HHIP: variants seen among roughly 807,000 people sequenced by gnomAD.
HHIP encodes the protein hedgehog-interacting protein.
HHIP carries 12 observed loss-of-function variants against 74.0 expected under a neutral mutation model. That is an observed-to-expected ratio of 0.16 (90% CI 0.10 to 0.26). HHIP has a LOEUF of 0.26. Ranked by LOEUF, HHIP falls within the 10% of genes least tolerant of loss-of-function variation. HHIP has a pLI of 1.00. For synonymous variants in HHIP, 309 were observed against 311.6 expected, an observed-to-expected ratio of 0.99 and a Z score of 0.09; for missense variants, 788 against 845.0, an observed-to-expected ratio of 0.93 and a Z score of 0.84.
At chr4:144,686,857 G>A (rs968395796) in intron 4 of HHIP, among the ~76,000 whole-genome samples, 7 of 151,872 alleles carry the variant, frequency 4.6e-5, no homozygotes, top group Non-Finnish European at 8.9e-5. Flanking sequence ...CCCTAGTCTG[G>A]GTGCAACAGT....
At chr4:144,670,635 G>C (rs115558571) in intron 4 of HHIP, among the ~76,000 whole-genome samples, 1 of 148,966 alleles carries the variant, frequency 6.7e-6, no homozygotes, top group African/African-American at 2.5e-5. Context: ...GGCTTTTCTA[G>C]ATAGGGAAAC....
chr4:144,690,565 A>G (rs1318373149), intron 4 of HHIP, among the ~76,000 whole-genome samples: 1 of 152,204 alleles, frequency 6.6e-6, no homozygotes, highest in Non-Finnish European at 1.5e-5. Context: ...TATGAAAGCC[A>G]AGAGAGCATC....
rs1578670476 is a variant in HHIP at position 144,646,851 on chromosome 4, T to C, written c.176T>C (p.Leu59Pro). The C allele has an allele frequency of 9.9e-6, 16 of 1,614,202 alleles. No homozygotes were observed. In the East Asian group the frequency reaches 3.6e-4, roughly 36 times the overall value. Residue 59 changes from leucine (L) to proline (P), a missense_variant, in exon 1 of 13, where the codon CTG (leucine) becomes CCG (proline). Leu to Pro is a moderately conservative substitution (Grantham distance 98). Coordinates refer to ENST00000296575, the MANE Select transcript of HHIP (RefSeq NM_022475.3). ...KRRDRRMMSQ[L>P]ELLSGGEMLC... ...AGAGACAGGAGGATGATGTCCCAGC[T>C]GGAGCTGCTGAGTGGGGGAGAGATG...
rs766292961 is a variant in HHIP, at chr4:144,737,998, AT to A, written c.*47del. Reference sequence around the variant, plus strand: ...GAATATTCTATTCCAATGGGCATTTATTTTTTATCCTGTCATTAAAAAAAAA... The same window carrying A: ...GAATATTCTATTCCAATGGGCATTTATTTTTATCCTGTCATTAAAAAAAAA... On this transcript the variant is annotated 3_prime_UTR_variant, in exon 13 of 13. Transcript: ENST00000296575. 2 of 1,440,614 alleles carry A rather than the reference AT, an allele frequency of 1.4e-6. No homozygotes were observed. Among genetic ancestry groups the A allele is most frequent in the Non-Finnish European group, 1.8e-6 (2 of 1,093,864 alleles). The allele number at this position is 1,440,614 out of a possible 1,614,324, so 89.2% of individuals were successfully genotyped here. A position where few individuals can be genotyped will look rare whatever the true frequency, so the allele number is the denominator to read the frequency against.
chr4:144,712,397 C>A (rs1730330784), intron 8 of HHIP, among the ~76,000 whole-genome samples: 1 of 152,110 alleles, frequency 6.6e-6, no homozygotes, highest in African/African-American at 2.4e-5. Flanking sequence ...GGGAGAGCAG[C>A]TTGTCTTAAC....
intron 4 of HHIP, among the ~76,000 whole-genome samples, chr4:144,694,166 C>G (rs1312024936): frequency 1.3e-5 from 2 of 151,824 alleles, no homozygotes; most frequent in Non-Finnish European, 2.9e-5. Context: ...ACATATAAAT[C>G]ATGAAAATAC....
chr4:144,695,395 G>A (rs1328460250), intron 4 of HHIP, among the ~76,000 whole-genome samples: 2 of 151,452 alleles, frequency 1.3e-5, no homozygotes, highest in Non-Finnish European at 3.0e-5. Context: ...TCTAAATTTG[G>A]TATCTTTTTT....
intron 9 of HHIP, among the ~76,000 whole-genome samples, 169 bp downstream of exon 9, chr4:144,714,517 AG>A (rs1730394744): frequency 6.6e-6 from 1 of 152,174 alleles, no homozygotes; most frequent in South Asian, 2.1e-4. Flanking sequence ...GTTTAATTGA[AG>A]AACTTCCAAA....
chr4:144,698,942 A>G (rs951742029), intron 4 of HHIP, among the ~76,000 whole-genome samples: 1 of 152,206 alleles, frequency 6.6e-6, no homozygotes, highest in Non-Finnish European at 1.5e-5. Context: ...TTCCCTAGAA[A>G]AGAGAATGGG....
chr4:144,711,821 A>G, intron 7 of HHIP, 129 bp from the exon 8 acceptor site: 1 of 768,040 alleles, frequency 1.3e-6, no homozygotes, highest in Non-Finnish European at 2.1e-6. Context: ...GCTTTCTAGA[A>G]GATCCAAACT....
rs190689562 is a variant in HHIP, at chr4:144,706,230, G to T, written c.832-301G>T. 1.3e-4 allele frequency among the ~76,000 whole-genome samples: 20 copies of T among 152,302 alleles called. No individual in the cohort carries two copies. The East Asian group carries it at 3.5e-3, about 26-fold the overall frequency. ...GTAACCCGGGAAAGAATTCTTCACA[G>T]CACTTAAACTTGTCCTCCTAGCGGC... On this transcript the variant is annotated intron_variant, in intron 4 of 12. Transcript: ENST00000296575.
chr4:144,706,617 C>T lies in HHIP; in HGVS notation c.918C>T (p.Asn306=). ...AGTTGTATGTGTCCTATACCACCAA[C>T]CAAGAACGGTGGGCTATCGGGCCTC... The part of the protein sequence containing the change: ...NGKLYVSYTT[N]QERWAIGPHD... Residue 306 remains asparagine, a synonymous_variant, in exon 5 of 13, where the codon AAC becomes AAT. Transcript: ENST00000296575. The T allele has an allele frequency of 6.2e-7, 1 of 1,613,718 alleles. No individual in the cohort carries two copies. The highest frequency in any genetic ancestry group is 1.1e-5 in the South Asian group (1 of 91,026).
intron 4 of HHIP, among the ~76,000 whole-genome samples, chr4:144,670,045 G>A (rs186127537): frequency 1.6e-3 from 239 of 151,498 alleles, no homozygotes; most frequent in Non-Finnish European, 2.6e-3. Flanking sequence ...TTGGGAGGCT[G>A]AGGCAGGAGA....
At position 144,740,550 on chromosome 4, in the gene HHIP, A is replaced by G. The variant is rs1731238948; in HGVS notation, c.*2593A>G. ...AAAAGTAGATAGCACTGGCTAATTG[A>G]TGGCAACATATTTTAAATTAAGTGG... On this transcript the variant is annotated 3_prime_UTR_variant, in exon 13 of 13. Coordinates refer to ENST00000296575, the MANE Select transcript of HHIP (RefSeq NM_022475.3). The G allele has an allele frequency of 6.6e-6, 1 of 152,226 alleles. No homozygotes were observed. Among genetic ancestry groups the G allele is most frequent in the Non-Finnish European group, 1.5e-5 (1 of 68,034 alleles). 9.4% of individuals were successfully genotyped at this position (152,226 alleles called of 1,614,324 possible). A position where few individuals can be genotyped will look rare whatever the true frequency, so the allele number is the denominator to read the frequency against.
In HHIP at chr4:144,667,258, A is replaced by C. The variant is rs1728898545; in HGVS notation, c.831+7420A>C. Reference sequence around the variant, plus strand: ...TCAGCTACTCAAGAGGCTCAGCGAGAGGATCCCTTGAGCCCAGGAGTTCAA... The same window carrying C: ...TCAGCTACTCAAGAGGCTCAGCGAGCGGATCCCTTGAGCCCAGGAGTTCAA... On this transcript the variant is annotated intron_variant, in intron 4 of 12. Transcript: ENST00000296575. Among the ~76,000 whole-genome samples the C allele has an allele frequency of 4.6e-5, 7 of 152,130 alleles. No individual in the cohort carries two copies. In the South Asian group the frequency reaches 1.5e-3, roughly 32 times the overall value.
At chr4:144,722,200 T>C (rs1186107417) in intron 11 of HHIP, among the ~76,000 whole-genome samples, 1 of 152,136 alleles carries the variant, frequency 6.6e-6, no homozygotes, top group Non-Finnish European at 1.5e-5. Context: ...TAACTTTACT[T>C]TCACTTAGTA....
At chr4:144,671,314 G>T (rs1172085406) in intron 4 of HHIP, among the ~76,000 whole-genome samples, 1 of 117,434 alleles carries the variant, frequency 8.5e-6, no homozygotes, top group African/African-American at 3.2e-5. Flanking sequence ...CGTCCAAGGA[G>T]GGTGTTTTTT....
rs924306892 is a variant in HHIP, at chr4:144,744,753, T to G, written c.*6796T>G. The G allele has an allele frequency of 2.3e-5, 3 of 132,332 alleles. No individual in the cohort carries two copies. Among genetic ancestry groups the G allele is most frequent in the Non-Finnish European group, 4.8e-5 (3 of 62,558 alleles). 8.2% of individuals were successfully genotyped at this position (132,332 alleles called of 1,614,324 possible). A position where few individuals can be genotyped will look rare whatever the true frequency, so the allele number is the denominator to read the frequency against. ...AAGTGCCTACCATGATTATGTGCTG[T>G]AGAAAAGACAAGGACATTTACTAGG... On this transcript the variant is annotated 3_prime_UTR_variant, in exon 13 of 13. Transcript: ENST00000296575.
intron 12 of HHIP, among the ~76,000 whole-genome samples, chr4:144,736,319 G>A (rs1443551876): frequency 1.3e-5 from 2 of 151,668 alleles, no homozygotes; most frequent in African/African-American, 2.4e-5. Context: ...TATTTATAGT[G>A]GAGATGGGTT....
Sources: gnomAD v4.1 joint callset for allele counts (sites outside exome capture counted in the v4.1 genomes callset) on GRCh38, gnomAD v4.1.1 for gene constraint, MANE v1.5 for transcripts, NCBI Gene and HGNC (gene_info 2026-07-23, HGNC 2026-07-21) for gene names.